The following RNF216 variants were observed in gnomAD, a reference collection of about 807,000 sequenced individuals.
RNF216 encodes E3 ubiquitin-protein ligase RNF216.
A neutral mutation model predicts 110.8 loss-of-function variants in RNF216; 72 were observed. The ratio of observed to expected loss-of-function variants is 0.65; its 90% CI spans 0.54 to 0.79. The LOEUF (loss-of-function observed/expected upper bound fraction) is 0.79. Ranked by LOEUF, RNF216 falls within the 30% of genes least tolerant of loss-of-function variation. The pLI, the probability that RNF216 is intolerant of heterozygous loss-of-function variation, is 0.00. For synonymous variants in RNF216, 495 were observed against 407.5 expected, an observed-to-expected ratio of 1.21 and a Z score of -2.59; for missense variants, 1,342 against 1,141.2, an observed-to-expected ratio of 1.18 and a Z score of -2.54.
intron 15 of RNF216, among the ~76,000 whole-genome samples, chr7:5,629,972 C>T (rs1000310524): frequency 6.6e-6 from 1 of 152,020 alleles, no homozygotes; most frequent in African/African-American, 2.4e-5. Context: ...AGTCAAGTCC[C>T]TCAGGAAACA....
chr7:5,686,804 G>C (rs1791016134), intron 13 of RNF216, among the ~76,000 whole-genome samples: 2 of 152,228 alleles, frequency 1.3e-5, no homozygotes, highest in African/African-American at 4.8e-5. Flanking sequence ...GGCGTGGAGA[G>C]ATGGCTTCAG....
chr7:5,738,568 C>T (rs957093277), intron 5 of RNF216, among the ~76,000 whole-genome samples: 42 of 151,866 alleles, frequency 2.8e-4, no homozygotes, highest in Non-Finnish European at 4.6e-4. Context: ...ATTAGCCAGG[C>T]GTGCTGGCAG....
chr7:5,623,941 C>T, intron 16 of RNF216, 115 bp downstream of exon 16: 2 of 844,662 alleles, frequency 2.4e-6, no homozygotes, highest in Non-Finnish European at 3.7e-6. Flanking sequence ...ACCTGAGGGA[C>T]AGCACCCCCT....
In RNF216 at chr7:5,680,637, T is replaced by C. The variant is rs1790590246; in HGVS notation, c.2062-28127A>G. ...CAGGATGGTCTCGATCTCCTGACCT[T>C]GTGATCTGCCCGACTCGGCCTCCCA... On this transcript the variant is annotated intron_variant, in intron 13 of 16. Coordinates refer to ENST00000389902, the MANE Select transcript of RNF216 (RefSeq NM_207111.4). The surrounding 1 kb of genome is among the most constrained non-coding windows in gnomAD (Gnocchi z 4.3). Among the ~76,000 whole-genome samples, 2 of 152,004 alleles carry C rather than the reference T, an allele frequency of 1.3e-5. No homozygotes were observed. The highest frequency in any genetic ancestry group is 4.8e-5 in the African/African-American group (2 of 41,378).
In RNF216 at chr7:5,622,784, A is replaced by T; in HGVS notation, c.*76T>A. 1 of 1,406,914 alleles carries T rather than the reference A, an allele frequency of 7.1e-7. No homozygotes were observed. The highest frequency in any genetic ancestry group is 9.7e-7 in the Non-Finnish European group (1 of 1,030,344). The allele number at this position is 1,406,914 out of a possible 1,614,324, so 87.2% of individuals were successfully genotyped here. On this transcript the variant is annotated 3_prime_UTR_variant, in exon 17 of 17. Coordinates refer to ENST00000389902, the MANE Select transcript of RNF216 (RefSeq NM_207111.4). ...CTTAGGATGCAATGGTACAGACACC[A>T]GCCTTGGGGGAGGGTTCTCCATCCA...
intron 1 of RNF216, among the ~76,000 whole-genome samples, chr7:5,774,553 T>G (rs1319567195): frequency 6.6e-6 from 1 of 152,254 alleles, no homozygotes; most frequent in Non-Finnish European, 1.5e-5. Context: ...TGTGCTATTT[T>G]TATTAACTGT....
chr7:5,739,786 A>G (rs955259495), intron 4 of RNF216, among the ~76,000 whole-genome samples: 1 of 152,080 alleles, frequency 6.6e-6, no homozygotes, highest in Non-Finnish European at 1.5e-5. Context: ...GGATCACCTG[A>G]GGTCAGGAGT....
At chr7:5,706,934 T>C (rs372074665) in intron 13 of RNF216, among the ~76,000 whole-genome samples, 1 of 150,366 alleles carries the variant, frequency 6.7e-6, no homozygotes, top group East Asian at 1.9e-4. Flanking sequence ...ATTTAAAGAG[T>C]TGATTTTTGT....
chr7:5,770,024 CAA>C (rs1163710982), intron 1 of RNF216, among the ~76,000 whole-genome samples: 136 of 24,124 alleles, frequency 5.6e-3, no homozygotes, highest in African/African-American at 0.023. Context: ...AGACCCATCT[CAA>C]AAAAAAAAAA....
rs374914168 is a variant in RNF216, at chr7:5,711,775, G to C, written c.2047C>G (p.Pro683Ala). 7.7e-5 allele frequency: 124 copies of C among 1,613,480 alleles called. No homozygotes were observed. Among genetic ancestry groups the C allele is most frequent in the Non-Finnish European group, 9.9e-5 (117 of 1,179,818 alleles). The change falls in exon 13 of 17, where the codon CCT becomes GCT. Residue 683 changes from proline to alanine, a missense_variant. Transcript: ENST00000389902. ...TGCCTCCCTACCTTTCGGCAGTGAG[G>C]ATTAGGACAGCTGAACCTCTTCACA... is the stretch of plus-strand genomic sequence containing the variant. ...SDVKRFSCPNPHCRKETCRKC... is the reference protein window; with the variant it reads ...SDVKRFSCPNAHCRKETCRKC...
chr7:5,747,790 A>G (rs1795112158), intron 3 of RNF216, among the ~76,000 whole-genome samples: 1 of 150,898 alleles, frequency 6.6e-6, no homozygotes, highest in Non-Finnish European at 1.5e-5. Flanking sequence ...AAAAAAAAAG[A>G]AAAAATAAAT....
intron 14 of RNF216, among the ~76,000 whole-genome samples, chr7:5,642,191 C>T (rs983613242): frequency 1.3e-5 from 2 of 151,498 alleles, no homozygotes; most frequent in East Asian, 1.9e-4. Context: ...CACTACTCAA[C>T]GTTCTACAAC....
chr7:5,697,453 C>T (rs3779096), intron 13 of RNF216, among the ~76,000 whole-genome samples: 52,719 of 152,134 alleles, frequency 0.35, 10,543 homozygotes, highest in East Asian at 0.75. Flanking sequence ...TGGTAATGAT[C>T]GTGTTTAGAG....
rs111377420 is a variant in RNF216 at position 5,645,736 on chromosome 7, G to A, written c.2160-4360C>T. ...CTTCCAAGTAGCTGGGACTACAGGC[G>A]CCCGCCACCACATCCAGCTAATTTT... On this transcript the variant is annotated intron_variant, in intron 14 of 16. Transcript: ENST00000389902. Among the ~76,000 whole-genome samples the A allele has an allele frequency of 2.6e-3, 397 of 152,088 alleles. 5 individuals are homozygous for A. The highest frequency in any genetic ancestry group is 0.01 in the Middle Eastern group (3 of 294).
At chr7:5,640,080 T>C (rs10265842) in intron 15 of RNF216, among the ~76,000 whole-genome samples, 10,512 of 150,174 alleles carry the variant, frequency 0.07, 1,219 homozygotes, top group African/African-American at 0.24. Flanking sequence ...TTTTTTTTAA[T>C]GAGATGGGGG....
intron 14 of RNF216, among the ~76,000 whole-genome samples, chr7:5,647,112 G>A (rs535550205): frequency 3.8e-4 from 58 of 151,110 alleles, no homozygotes; most frequent in Non-Finnish European, 7.4e-4. Context: ...AGGAAGTTGT[G>A]AAAGGTGAAA....
intron 13 of RNF216, among the ~76,000 whole-genome samples, chr7:5,678,724 C>T (rs1790463339): frequency 6.6e-6 from 1 of 152,260 alleles, no homozygotes; most frequent in South Asian, 2.1e-4. Context: ...TCCAGGAAAC[C>T]CTGCACTGTG....
At chr7:5,718,795 C>G (rs977230669) in intron 9 of RNF216, among the ~76,000 whole-genome samples, 2 of 152,086 alleles carry the variant, frequency 1.3e-5, no homozygotes, top group African/African-American at 4.8e-5. Context: ...GATCTGCCCA[C>G]CTCGGCCTTC....
chr7:5,642,422 C>A (rs1216636277), intron 14 of RNF216, among the ~76,000 whole-genome samples: 1 of 152,102 alleles, frequency 6.6e-6, no homozygotes, highest in Non-Finnish European at 1.5e-5. Flanking sequence ...CCATGTTGGC[C>A]AGGCTGGTCT....
Sources: gnomAD v4.1 joint callset for allele counts (sites outside exome capture counted in the v4.1 genomes callset) on GRCh38, gnomAD v4.1.1 for gene constraint, Gnocchi (gnomAD v3.1) non-coding constraint, MANE v1.5 for transcripts, NCBI Gene and HGNC (gene_info 2026-07-23, HGNC 2026-07-21) for gene names.